INTS9: variants seen among roughly 807,000 people sequenced by gnomAD.
INTS9 encodes the protein protein related to CPSF subunits of 74 kDa.
A neutral mutation model predicts 79.7 loss-of-function variants in INTS9; 55 were observed. The ratio of observed to expected loss-of-function variants is 0.69; its 90% CI spans 0.56 to 0.86. The LOEUF is 0.86. Among genes scored for constraint, INTS9 ranks in the 40% least tolerant of loss-of-function variants. The probability of loss-of-function intolerance (pLI) is 0.00; values close to 1 mark genes in which losing one functional copy is unlikely to be tolerated. For synonymous variants in INTS9, 319 were observed against 325.2 expected, an observed-to-expected ratio of 0.98 and a Z score of 0.20; for missense variants, 721 against 831.5, an observed-to-expected ratio of 0.87 and a Z score of 1.64.
At chr8:28,888,641 T>C (rs946672341) in intron 1 of INTS9, among the ~76,000 whole-genome samples, 2 of 152,252 alleles carry the variant, frequency 1.3e-5, no homozygotes, top group Non-Finnish European at 2.9e-5. Flanking sequence ...CTTTTAATTC[T>C]GCATTATTAA....
chr8:28,865,846 G>A (rs920283752), intron 1 of INTS9, among the ~76,000 whole-genome samples: 1 of 151,934 alleles, frequency 6.6e-6, no homozygotes, highest in African/African-American at 2.4e-5. Flanking sequence ...CTTTGAATAC[G>A]GCCTCTCTCC....
At chr8:28,853,770 CT>C (rs533321032) in intron 2 of INTS9, among the ~76,000 whole-genome samples, 2,862 of 145,524 alleles carry the variant, frequency 0.02, 85 homozygotes, top group African/African-American at 0.065. Flanking sequence ...TACGTAATTT[CT>C]TTTTTTTTTT....
chr8:28,785,980 CCT>C (rs768962145), intron 11 of INTS9, among the ~76,000 whole-genome samples: 3 of 152,152 alleles, frequency 2.0e-5, no homozygotes, highest in Non-Finnish European at 4.4e-5. Flanking sequence ...CTCAGAAATC[CCT>C]CTTTGTCCCC....
chr8:28,865,813 A>G (rs1808714368), intron 1 of INTS9, among the ~76,000 whole-genome samples: 1 of 152,194 alleles, frequency 6.6e-6, no homozygotes, highest in Admixed American at 6.5e-5. Flanking sequence ...CACAACTGTG[A>G]AAAATACTGT....
chr8:28,828,506 A>T (rs1286405569), intron 6 of INTS9, among the ~76,000 whole-genome samples: 2 of 152,176 alleles, frequency 1.3e-5, no homozygotes, highest in African/African-American at 4.8e-5. Flanking sequence ...ATGAAGGAGG[A>T]AACAGAGCCT....
In INTS9 at chr8:28,876,415, T is replaced by G. The variant is rs893646335; in HGVS notation, c.9+13459A>C. Among the ~76,000 whole-genome samples, 5 of 152,204 alleles carry G rather than the reference T, an allele frequency of 3.3e-5. 1 individual carries two copies. The highest frequency in any genetic ancestry group is 7.3e-5 in the Non-Finnish European group (5 of 68,034). On this transcript the variant is annotated intron_variant, in intron 1 of 16. Coordinates refer to ENST00000521022, the MANE Select transcript of INTS9 (RefSeq NM_018250.4). ...CACACAATAAAACACAAATACATTT[T>G]CTCTTTAGAAAAATAACTTATTGTT... is the stretch of plus-strand genomic sequence containing the variant.
rs559306996 is a variant in INTS9, at chr8:28,783,142, C to CAA, written c.1099-2150_1099-2149dup. ...CCTGGGCGACAGTGAGACTCCGTCT[C>CAA]AAAAAAAAAAAAAAAAAAAAAAAAA... On this transcript the variant is annotated intron_variant, in intron 11 of 16. Coordinates refer to ENST00000521022, the MANE Select transcript of INTS9 (RefSeq NM_018250.4). 8.5e-3 allele frequency among the ~76,000 whole-genome samples: 950 copies of CAA among 111,576 alleles called. 69 individuals are homozygous for CAA. The highest frequency in any genetic ancestry group is 0.036 in the African/African-American group (897 of 25,016). The allele number at this position is 111,576 out of a possible 152,430, so 73.2% of individuals were successfully genotyped here.
intron 4 of INTS9, among the ~76,000 whole-genome samples, chr8:28,844,621 T>C (rs1807396663): frequency 6.6e-6 from 1 of 151,702 alleles, no homozygotes; most frequent in South Asian, 2.1e-4. Flanking sequence ...AGGTCAGGAG[T>C]TTAAGACCAG....
At chr8:28,805,145 G>A (rs1205187212) in intron 8 of INTS9, among the ~76,000 whole-genome samples, 2 of 152,156 alleles carry the variant, frequency 1.3e-5, no homozygotes, top group African/African-American at 4.8e-5. Flanking sequence ...AACACACATT[G>A]AAGAGAAATA....
At chr8:28,874,288 T>C (rs554315573) in intron 1 of INTS9, among the ~76,000 whole-genome samples, 1 of 151,506 alleles carries the variant, frequency 6.6e-6, no homozygotes, top group South Asian at 2.1e-4. Flanking sequence ...ATATTTAAAC[T>C]GTTTTTTTTT....
chr8:28,769,674 G>T (rs1466579293), intron 16 of INTS9: 2 of 577,708 alleles, frequency 3.5e-6, no homozygotes, highest in Non-Finnish European at 6.0e-6. Context: ...GAGGCCTTCT[G>T]GTGACCTCGT....
chr8:28,779,775 G>A (rs1210383287), intron 12 of INTS9, among the ~76,000 whole-genome samples: 3 of 152,190 alleles, frequency 2.0e-5, no homozygotes, highest in African/African-American at 7.2e-5. Flanking sequence ...TTGACCACAG[G>A]CGTGTTCCTG....
chr8:28,779,936 G>A (rs1803143720), intron 12 of INTS9, among the ~76,000 whole-genome samples: 1 of 152,092 alleles, frequency 6.6e-6, no homozygotes, highest in Admixed American at 6.5e-5. Flanking sequence ...TTCTGTGCCT[G>A]GTGCCCAGAG....
intron 6 of INTS9, among the ~76,000 whole-genome samples, chr8:28,827,899 G>A (rs899770662): frequency 8.5e-5 from 13 of 152,162 alleles, no homozygotes; most frequent in African/African-American, 2.9e-4. Flanking sequence ...GCCACTCAGA[G>A]GTCTTACTTT....
intron 6 of INTS9, among the ~76,000 whole-genome samples, chr8:28,823,472 T>A (rs1805969995): frequency 6.6e-6 from 1 of 152,208 alleles, no homozygotes; most frequent in South Asian, 2.1e-4. Flanking sequence ...TTTCCCAATG[T>A]CCTGCTCTTT....
At position 28,837,580 on chromosome 8, in the gene INTS9, C is replaced by T. The variant is rs139493974; in HGVS notation, c.401+57G>A. 1.2e-3 allele frequency: 1,935 copies of T among 1,573,162 alleles called. 5 individuals are homozygous for T. The highest frequency in any genetic ancestry group is 1.4e-3 in the Non-Finnish European group (1,592 of 1,155,388). ...TGGTATAATACTGTGATAGCGTCAT[C>T]ACTGAGGGAGGAGCTCCGCAGTCAC... On this transcript the variant is annotated intron_variant, in intron 5 of 16. Coordinates refer to ENST00000521022, the MANE Select transcript of INTS9 (RefSeq NM_018250.4).
chr8:28,850,141 G>T, intron 3 of INTS9, 72 bp downstream of exon 3: 1 of 1,220,626 alleles, frequency 8.2e-7, no homozygotes, highest in Non-Finnish European at 1.2e-6. Flanking sequence ...ACTACTACAG[G>T]GTGGCTCTGG....
chr8:28,778,294 A>G lies in INTS9; in HGVS notation c.1271-341T>C, dbSNP rs201930215. Among the ~76,000 whole-genome samples the G allele has an allele frequency of 8.5e-5, 13 of 152,388 alleles. No homozygotes were observed. The East Asian group carries it at 2.5e-3, about 29-fold the overall frequency. On this transcript the variant is annotated intron_variant, in intron 12 of 16. Coordinates refer to ENST00000521022, the MANE Select transcript of INTS9 (RefSeq NM_018250.4). ...CGTTTGGCAACCATTACAGTTCATCACTTATTCAGATGAAAATCATCAACA... is the reference window on the plus strand; with the variant it reads ...CGTTTGGCAACCATTACAGTTCATCGCTTATTCAGATGAAAATCATCAACA...
intron 8 of INTS9, among the ~76,000 whole-genome samples, chr8:28,806,957 A>G (rs577114727): frequency 2.5e-4 from 38 of 152,296 alleles, no homozygotes; most frequent in African/African-American, 8.9e-4. Flanking sequence ...GAGTAAATCC[A>G]AAGTAAAGAA....
Sources: allele counts gnomAD v4.1 joint callset (sites outside exome capture counted in the v4.1 genomes callset), GRCh38; gene constraint gnomAD v4.1.1; transcripts MANE v1.5; gene names NCBI Gene and HGNC (gene_info 2026-07-23, HGNC 2026-07-21).